PCDHGA3: variants seen among roughly 807,000 people sequenced by gnomAD.
The protein encoded by PCDHGA3 is protocadherin gamma subfamily A, 3.
In PCDHGA3, 40 loss-of-function variants were observed where a neutral mutation model predicts 58.5. The observed-to-expected ratio is 0.68, with a 90% CI of 0.53 to 0.89. The LOEUF (loss-of-function observed/expected upper bound fraction) is 0.89, where lower values mean the gene tolerates loss of function less well. PCDHGA3 is among the 40% of genes least tolerant of loss of function. The pLI, the probability that PCDHGA3 is intolerant of heterozygous loss-of-function variation, is 0.00. For synonymous variants in PCDHGA3, 530 were observed against 525.7 expected (o/e 1.01, Z -0.11); for missense variants, 1,223 against 1,195.9 (o/e 1.02, Z -0.33).
intron 1 of PCDHGA3, chr5:141,409,913 G>C (rs769370742): frequency 1.9e-6 from 3 of 1,613,334 alleles, no homozygotes; most frequent in East Asian, 2.2e-5. Flanking sequence ...GGGTCCTGAC[G>C]GCTCCGCGTT....
At position 141,345,752 on chromosome 5, in the gene PCDHGA3, T is replaced by C. The variant is rs768879399; in HGVS notation, c.1719T>C (p.Thr573=). 11 of 1,614,050 alleles carry C rather than the reference T, an allele frequency of 6.8e-6. No individual in the cohort carries two copies. Among genetic ancestry groups the C allele is most frequent in the African/African-American group, 2.7e-5 (2 of 74,934 alleles). Residue 573 remains threonine, a synonymous_variant, in exon 1 of 4, where the codon ACT becomes ACC. Transcript: ENST00000253812. ...LYPALPTDGS[T]GVELAPRSAE... ...CCGCCCTCCCCACAGACGGTTCCAC[T>C]GGCGTGGAGCTGGCGCCTCGCTCCG...
chr5:141,415,772 T>TC, intron 1 of PCDHGA3: 1 of 1,332,986 alleles, frequency 7.5e-7, no homozygotes. Context: ...TTTTTTTTTT[T>TC]ACTTTCTGGT....
At chr5:141,422,639 C>G (rs777330051) in intron 1 of PCDHGA3, 1 of 1,612,662 alleles carries the variant, frequency 6.2e-7, no homozygotes. Flanking sequence ...AGGGGTGCCT[C>G]CATCTTCTCA....
intron 1 of PCDHGA3, chr5:141,375,646 C>G (rs765389165): frequency 1.2e-6 from 2 of 1,614,228 alleles, no homozygotes; most frequent in Non-Finnish European, 1.7e-6. Flanking sequence ...GCTCCTTCGA[C>G]TATGAGCAGT....
At chr5:141,358,418 G>C (rs1391552401) in intron 1 of PCDHGA3, among the ~76,000 whole-genome samples, 1 of 152,090 alleles carries the variant, frequency 6.6e-6, no homozygotes, top group African/African-American at 2.4e-5. Context: ...CCTTGAAAGG[G>C]TATTTTCCAT....
chr5:141,509,601 G>A (rs2099877534), intron 3 of PCDHGA3, among the ~76,000 whole-genome samples: 1 of 152,144 alleles, frequency 6.6e-6, no homozygotes, highest in Non-Finnish European at 1.5e-5. Flanking sequence ...ATTCCGAGAG[G>A]CTGCATTCTA....
In PCDHGA3 at chr5:141,372,716, T is replaced by C. The variant is rs1305256970; in HGVS notation, c.2424+26259T>C. The C allele has an allele frequency of 1.9e-6, 3 of 1,613,946 alleles. No homozygotes were observed. The East Asian group carries it at 6.7e-5, about 36-fold the overall frequency. ...AATTTCTCAATATAAAGGCTGAAAATGCTGCACCACAAGATCTTCTATGTG... is the reference window on the plus strand; with the variant it reads ...AATTTCTCAATATAAAGGCTGAAAACGCTGCACCACAAGATCTTCTATGTG... On this transcript the variant is annotated intron_variant, in intron 1 of 3. Coordinates refer to ENST00000253812, the MANE Select transcript of PCDHGA3 (RefSeq NM_018916.4).
Position 141,431,605 on chromosome 5 carries a change from G to A in PCDHGA3, c.2425-63202G>A. ...ATGCGGAAGTGAGGTATTCCTTCCGGTATGTGGACGACAAGGCGGCCCAAG... is the reference window on the plus strand; with the variant it reads ...ATGCGGAAGTGAGGTATTCCTTCCGATATGTGGACGACAAGGCGGCCCAAG... On this transcript the variant is annotated intron_variant, in intron 1 of 3. Transcript: ENST00000253812. This position sits in a 1 kb window ranked among gnomAD's most constrained non-coding sequence, Gnocchi z 4.8. 2 of 1,614,236 alleles carry A rather than the reference G, an allele frequency of 1.2e-6. No individual in the cohort carries two copies. The highest frequency in any genetic ancestry group is 1.7e-6 in the Non-Finnish European group (2 of 1,180,044).
chr5:141,418,781 G>C, intron 1 of PCDHGA3: 1 of 1,613,716 alleles, frequency 6.2e-7, no homozygotes, highest in African/African-American at 1.3e-5. Context: ...GCAGCCTTTG[G>C]ATTTTGAAGA....
At chr5:141,371,894 G>A in intron 1 of PCDHGA3, 4 of 1,613,426 alleles carry the variant, frequency 2.5e-6, no homozygotes, top group Non-Finnish European at 3.4e-6. Flanking sequence ...AGCCGCGGGA[G>A]CTGTCGTCCT....
intron 1 of PCDHGA3, chr5:141,384,575 C>T (rs754018989): frequency 8.7e-6 from 14 of 1,614,258 alleles, no homozygotes; most frequent in South Asian, 2.2e-5. Flanking sequence ...AATGACAACC[C>T]GCCCGAGATC....
At position 141,511,238 on chromosome 5, in the gene PCDHGA3, G is replaced by A; in HGVS notation, c.*65G>A. ...CAACCAGCCCAGCTTCTCCTTACCT[G>A]CACCCAGGCCTCAGAGTTTCAGGGC... On this transcript the variant is annotated 3_prime_UTR_variant, in exon 4 of 4. Coordinates refer to ENST00000253812, the MANE Select transcript of PCDHGA3 (RefSeq NM_018916.4). 6.3e-7 allele frequency: 1 copy of A among 1,589,142 alleles called. No homozygotes were observed. The highest frequency in any genetic ancestry group is 2.3e-5 in the East Asian group (1 of 43,302).
At chr5:141,386,536 G>C (rs919634660) in intron 1 of PCDHGA3, among the ~76,000 whole-genome samples, 6 of 151,656 alleles carry the variant, frequency 4.0e-5, no homozygotes, top group Admixed American at 6.6e-5. Flanking sequence ...TTTTAGACTA[G>C]TGTTGTATTT....
chr5:141,389,323 G>A (rs1230521211), intron 1 of PCDHGA3: 1 of 1,613,862 alleles, frequency 6.2e-7, no homozygotes. Context: ...CCGGACTTGG[G>A]GCCCAACGGC....
At chr5:141,378,315 G>A (rs933879461) in intron 1 of PCDHGA3, 5 of 152,248 alleles carry the variant, frequency 3.3e-5, no homozygotes, top group African/African-American at 1.2e-4. Context: ...ACGAAGTCAG[G>A]AGTTCGAGAC....
intron 1 of PCDHGA3, chr5:141,428,207 T>G (rs1213295979): frequency 7.6e-7 from 1 of 1,308,340 alleles, no homozygotes; most frequent in African/African-American, 1.4e-5. Context: ...GCCGCTACGC[T>G]TCACCTAGTC....
In PCDHGA3 at chr5:141,389,259, G is replaced by T. The variant is rs374136353; in HGVS notation, c.2424+42802G>T. ...CTCACAGTCTTCCTATATAGTCCAC[G>T]TGGCCGAGAACAACCCGCCTGGAGC... On this transcript the variant is annotated intron_variant, in intron 1 of 3. Transcript: ENST00000253812. The T allele has an allele frequency of 1.4e-5, 22 of 1,613,888 alleles. No individual in the cohort carries two copies. The African/African-American group carries it at 2.4e-4, about 18-fold the overall frequency.
chr5:141,384,601 C>G lies in PCDHGA3; in HGVS notation c.2424+38144C>G, dbSNP rs1780261198. On this transcript the variant is annotated intron_variant, in intron 1 of 3. Coordinates refer to ENST00000253812, the MANE Select transcript of PCDHGA3 (RefSeq NM_018916.4). The stretch of plus-strand genomic sequence containing the variant: ...GCCCGAGATCCTGTACCCGGCCCTC[C>G]CCACAGATGGTTCTACTGGCATGGA... The G allele has an allele frequency of 2.5e-6, 4 of 1,614,240 alleles. No homozygotes were observed. The East Asian group carries it at 8.9e-5, about 36-fold the overall frequency.
At chr5:141,357,005 C>T in intron 1 of PCDHGA3, 1 of 1,614,148 alleles carries the variant, frequency 6.2e-7, no homozygotes, top group Non-Finnish European at 8.5e-7. Flanking sequence ...GGTCAGAATG[C>T]CTGGCTGTCC....
Sources: gnomAD v4.1 joint callset for allele counts (sites outside exome capture counted in the v4.1 genomes callset) on GRCh38, gnomAD v4.1.1 for gene constraint, Gnocchi (gnomAD v3.1) non-coding constraint, MANE v1.5 for transcripts, NCBI Gene and HGNC (gene_info 2026-07-23, HGNC 2026-07-21) for gene names.